The following RMND1 variants were observed in gnomAD, a reference collection of about 807,000 sequenced individuals.
RMND1 encodes the protein required for meiotic nuclear division 1 homolog, also known as required for meiotic nuclear division protein 1 homolog.
Under a neutral mutation model 54.0 loss-of-function variants are expected in RMND1, and 41 were observed. The observed-to-expected ratio is 0.76, with a 90% confidence interval of 0.59 to 0.98. The LOEUF is 0.98. Among genes scored for constraint, RMND1 ranks in the 50% least tolerant of loss-of-function variants. The pLI is 0.00. For synonymous variants in RMND1, 183 were observed against 181.7 expected (o/e 1.01, Z -0.06); for missense variants, 457 against 532.0 (o/e 0.86, Z 1.39).
Position 151,445,843 on chromosome 6 carries a change from C to A in RMND1, c.-14-18G>T. On this transcript the variant is annotated intron_variant, in intron 1 of 11. Coordinates refer to ENST00000444024, the MANE Select transcript of RMND1 (RefSeq NM_017909.4). ...ATCCCAAGCTAAAAGAAAAGGAATT[C>A]AAAGTTCAAGTTTTTAAATTAATGT... is the stretch of plus-strand genomic sequence containing the variant. The A allele has an allele frequency of 6.6e-7, 1 of 1,526,082 alleles. No individual in the cohort carries two copies. The highest frequency in any genetic ancestry group is 1.2e-5 in the South Asian group (1 of 81,068). The allele number at this position is 1,526,082 out of a possible 1,614,324, so 94.5% of individuals were successfully genotyped here. A position where few individuals can be genotyped will look rare whatever the true frequency, so the allele number is the denominator to read the frequency against.
intron 10 of RMND1, chr6:151,411,994 A>C (rs1186483410): frequency 1.3e-5 from 2 of 152,108 alleles, no homozygotes; most frequent in Non-Finnish European, 2.9e-5. Flanking sequence ...CCTACCCTCG[A>C]GCGTAGGCTC....
intron 1 of RMND1, among the ~76,000 whole-genome samples, chr6:151,451,278 T>A (rs149436070): frequency 6.6e-6 from 1 of 151,642 alleles, no homozygotes; most frequent in African/African-American, 2.4e-5. Context: ...TTGTTTAACA[T>A]CACTTGCACA....
intron 10 of RMND1, among the ~76,000 whole-genome samples, chr6:151,412,928 C>A (rs1275113799): frequency 1.3e-5 from 2 of 152,186 alleles, no homozygotes; most frequent in Non-Finnish European, 2.9e-5. Context: ...CCAGGACCCA[C>A]CTCCAACACG....
chr6:151,445,950 T>C (rs1446231522), intron 1 of RMND1, 125 bp from the exon 2 acceptor site: 1 of 859,206 alleles, frequency 1.2e-6, no homozygotes, highest in Non-Finnish European at 1.7e-6. Context: ...TCTAAGTTAA[T>C]TCTAGTAAAA....
At chr6:151,451,876 C>A (rs528544583) in intron 1 of RMND1, 140 bp downstream of exon 1, 1 of 152,356 alleles carries the variant, frequency 6.6e-6, no homozygotes, top group South Asian at 2.1e-4. Context: ...CTAAGCTGAC[C>A]AAAGATCACG....
intron 10 of RMND1, among the ~76,000 whole-genome samples, chr6:151,406,458 A>T (rs9383888): frequency 0.37 from 56,503 of 151,604 alleles, 12,725 homozygotes; most frequent in East Asian, 0.69. Flanking sequence ...GCCTCCTGGG[A>T]TCACGCCATT....
chr6:151,442,482 G>T (rs958245225), intron 2 of RMND1, among the ~76,000 whole-genome samples: 1 of 152,104 alleles, frequency 6.6e-6, no homozygotes, highest in African/African-American at 2.4e-5. Context: ...CCCATCCTCT[G>T]CTGTTCTCTT....
At chr6:151,417,244 G>A in intron 10 of RMND1, 35 bp downstream of exon 10, 1 of 1,578,662 alleles carries the variant, frequency 6.3e-7, no homozygotes, top group South Asian at 1.2e-5. Flanking sequence ...GCGACAACGT[G>A]TCTTTTTCTC....
intron 5 of RMND1, among the ~76,000 whole-genome samples, chr6:151,429,444 A>G (rs939892582): frequency 6.6e-6 from 1 of 151,976 alleles, no homozygotes; most frequent in Non-Finnish European, 1.5e-5. Context: ...TTTTAATGTA[A>G]CTGTATTATA....
rs1779569920 is a variant in RMND1, at chr6:151,405,244, T to C, written c.1341A>G (p.Val447=). 2.5e-6 allele frequency: 4 copies of C among 1,612,942 alleles called. No homozygotes were observed. The East Asian group carries it at 6.7e-5, about 27-fold the overall frequency. ...TIEVMFELGR[V]FF ...TTTGGTTATCACTTGATCAGAAAAATACTCGTCCCAGCTCAAACATTACCT... is the reference window on the plus strand; with the variant it reads ...TTTGGTTATCACTTGATCAGAAAAACACTCGTCCCAGCTCAAACATTACCT... The change falls in exon 12 of 12, where the codon GTA becomes GTG. Residue 447 remains valine, a synonymous_variant. Transcript: ENST00000444024.
At chr6:151,419,984 T>TA (rs398110823) in intron 9 of RMND1, among the ~76,000 whole-genome samples, 1 of 152,124 alleles carries the variant, frequency 6.6e-6, no homozygotes, top group Non-Finnish European at 1.5e-5. Context: ...TTTAGTTTTT[T>TA]AATCTAATAT....
In RMND1 at chr6:151,445,676, T is replaced by C; in HGVS notation, c.136A>G (p.Ile46Val). 2 of 1,614,190 alleles carry C rather than the reference T, an allele frequency of 1.2e-6. No homozygotes were observed. Among genetic ancestry groups the C allele is most frequent in the Non-Finnish European group, 8.5e-7 (1 of 1,180,024 alleles). ...FENTTCSTLT[I>V]RQSLDLFLPD... ...AGGAACAAATCCAAGCTTTGACGTA[T>C]TGTCAGTGTGCTGCATGTTGTATTT... Residue 46 changes from isoleucine to valine, a missense_variant, in exon 2 of 12, where the codon ATA becomes GTA. Coordinates refer to ENST00000444024, the MANE Select transcript of RMND1 (RefSeq NM_017909.4).
At position 151,425,189 on chromosome 6, in the gene RMND1, C is replaced by T. The variant is rs142844312; in HGVS notation, c.831-1558G>A. Among the ~76,000 whole-genome samples, 48 of 152,264 alleles carry T rather than the reference C, an allele frequency of 3.2e-4. 1 individual carries two copies. In the East Asian group the frequency reaches 8.9e-3, roughly 28 times the overall value. On this transcript the variant is annotated intron_variant, in intron 6 of 11. Transcript: ENST00000444024. ...AACTCCTGACCTCAAGTGATCTGCC[C>T]GCCTTGGCCTCTCAAAGTGTTGGGA...
At position 151,437,829 on chromosome 6, in the gene RMND1, G is replaced by A. The variant is rs112532183; in HGVS notation, c.505-1275C>T. Reference sequence around the variant, plus strand: ...TCAATCTGTTCCACAGCTCTGATGCGTGGTTTAAAGGTAGAGGAATAACAG... The same window carrying A: ...TCAATCTGTTCCACAGCTCTGATGCATGGTTTAAAGGTAGAGGAATAACAG... On this transcript the variant is annotated intron_variant, in intron 2 of 11. Transcript: ENST00000444024. Among the ~76,000 whole-genome samples the A allele has an allele frequency of 2.9e-3, 439 of 152,192 alleles. 3 individuals carry two copies. Among genetic ancestry groups the A allele is most frequent in the African/African-American group, 0.01 (420 of 41,510 alleles).
intron 5 of RMND1, among the ~76,000 whole-genome samples, chr6:151,429,380 C>T (rs1290933697): frequency 4.6e-5 from 7 of 152,134 alleles, no homozygotes; most frequent in Non-Finnish European, 1.5e-5. Flanking sequence ...CTTGGTCTCC[C>T]AAAGTGCTGG....
intron 11 of RMND1, 135 bp from the exon 12 acceptor site, chr6:151,405,402 A>AC (rs1779577925): frequency 1.3e-6 from 1 of 781,006 alleles, no homozygotes; most frequent in South Asian, 1.7e-5. Flanking sequence ...GTGGCAACCT[A>AC]TGAATTGGAG....
intron 6 of RMND1, among the ~76,000 whole-genome samples, chr6:151,425,773 A>G (rs1426814086): frequency 6.6e-6 from 1 of 152,154 alleles, no homozygotes; most frequent in Non-Finnish European, 1.5e-5. Context: ...AGCTGCAATT[A>G]TAGGGTTTTC....
At chr6:151,447,453 G>A (rs1364202828) in intron 1 of RMND1, among the ~76,000 whole-genome samples, 1 of 152,168 alleles carries the variant, frequency 6.6e-6, no homozygotes, top group Non-Finnish European at 1.5e-5. Flanking sequence ...AGGAAACTGA[G>A]GTTTAAAGAG....
intron 1 of RMND1, among the ~76,000 whole-genome samples, chr6:151,448,939 T>C (rs1279188471): frequency 6.6e-6 from 1 of 150,694 alleles, no homozygotes; most frequent in Non-Finnish European, 1.5e-5. Context: ...CAGCCGGGCA[T>C]GGTGGCATGG....
Sources: allele counts gnomAD v4.1 joint callset (sites outside exome capture counted in the v4.1 genomes callset), GRCh38; gene constraint gnomAD v4.1.1; transcripts MANE v1.5; gene names NCBI Gene and HGNC (gene_info 2026-07-23, HGNC 2026-07-21).